GPC6: variants seen among roughly 807,000 people sequenced by gnomAD.
The protein encoded by GPC6 is glypican-6.
Under a neutral mutation model 55.2 loss-of-function variants are expected in GPC6, and 14 were observed. The ratio of observed to expected loss-of-function variants is 0.25; its 90% CI spans 0.17 to 0.40. The LOEUF is 0.40. GPC6 is among the 10% of genes least tolerant of loss of function. The pLI is 1.00. For missense variants in GPC6, 641 were observed against 708.5 expected, an observed-to-expected ratio of 0.90 and a Z score of 1.08; for synonymous variants, 278 against 259.6, an observed-to-expected ratio of 1.07 and a Z score of -0.68.
intron 3 of GPC6, among the ~76,000 whole-genome samples, chr13:93,953,088 C>T (rs1310364201): frequency 1.3e-5 from 2 of 151,842 alleles, no homozygotes; most frequent in South Asian, 2.1e-4. Flanking sequence ...CATTTTGCTA[C>T]AGTTTCCATT....
chr13:93,929,504 T>C (rs1770537836), intron 3 of GPC6, among the ~76,000 whole-genome samples: 1 of 152,196 alleles, frequency 6.6e-6, no homozygotes, highest in African/African-American at 2.4e-5. Context: ...ATCCTGACAA[T>C]ATACCAATTA....
At chr13:93,767,134 G>A (rs941906878) in intron 2 of GPC6, among the ~76,000 whole-genome samples, 2 of 152,076 alleles carry the variant, frequency 1.3e-5, no homozygotes, top group African/African-American at 4.8e-5. Context: ...AAGCATTATA[G>A]GACTGGGAAG....
At chr13:93,656,973 CA>C (rs1880700337) in intron 2 of GPC6, among the ~76,000 whole-genome samples, 1 of 151,952 alleles carries the variant, frequency 6.6e-6, no homozygotes, top group Non-Finnish European at 1.5e-5. Flanking sequence ...AATGGTAAAA[CA>C]TTCCATGCAC....
At chr13:94,067,584 TAGA>T (rs1202467416) in intron 4 of GPC6, among the ~76,000 whole-genome samples, 1 of 116,398 alleles carries the variant, frequency 8.6e-6, no homozygotes, top group Non-Finnish European at 1.7e-5. Flanking sequence ...AGATTATAGA[TAGA>T]TAGATAGATA....
At chr13:93,497,100 G>A (rs962893521) in intron 1 of GPC6, among the ~76,000 whole-genome samples, 1 of 152,104 alleles carries the variant, frequency 6.6e-6, no homozygotes, top group Non-Finnish European at 1.5e-5. Context: ...ACTCTCTATG[G>A]TTGATTCTGT....
intron 2 of GPC6, among the ~76,000 whole-genome samples, chr13:93,738,697 G>A (rs1319984580): frequency 2.6e-5 from 4 of 152,056 alleles, no homozygotes; most frequent in Middle Eastern, 3.4e-3. Flanking sequence ...AGCACCCCTC[G>A]TAGGAAGCCA....
chr13:93,424,978 C>G (rs1006619162), intron 1 of GPC6, among the ~76,000 whole-genome samples: 1 of 152,122 alleles, frequency 6.6e-6, no homozygotes, highest in South Asian at 2.1e-4. Context: ...CCCCAACACA[C>G]AGACCACCTG....
At chr13:93,675,465 A>G (rs1201272242) in intron 2 of GPC6, among the ~76,000 whole-genome samples, 1 of 152,146 alleles carries the variant, frequency 6.6e-6, no homozygotes, top group Non-Finnish European at 1.5e-5. Context: ...TATTCACAAT[A>G]TGCTGTGATC....
chr13:93,794,105 G>A (rs1019229030), intron 2 of GPC6, among the ~76,000 whole-genome samples: 5 of 152,136 alleles, frequency 3.3e-5, no homozygotes, highest in Middle Eastern at 3.2e-3. Flanking sequence ...AAAGCTCTTG[G>A]CATTTGTTCT....
chr13:93,577,049 G>A (rs1454520285), intron 2 of GPC6, among the ~76,000 whole-genome samples: 1 of 152,112 alleles, frequency 6.6e-6, no homozygotes, highest in African/African-American at 2.4e-5. Flanking sequence ...ATGATGCCAT[G>A]ATTTCTAGAC....
intron 1 of GPC6, among the ~76,000 whole-genome samples, chr13:93,393,151 G>A (rs1247053038): frequency 6.7e-6 from 1 of 149,758 alleles, no homozygotes; most frequent in Non-Finnish European, 1.5e-5. Context: ...GAGAGAGAGA[G>A]AGAGAGAGTG....
chr13:94,086,204 A>G (rs750928035), intron 4 of GPC6, among the ~76,000 whole-genome samples: 3 of 152,234 alleles, frequency 2.0e-5, no homozygotes, highest in Non-Finnish European at 2.9e-5. Context: ...AGGATTACAT[A>G]AAGATTCTCA....
intron 3 of GPC6, among the ~76,000 whole-genome samples, chr13:93,861,542 A>G (rs1888814607): frequency 6.6e-6 from 1 of 151,642 alleles, no homozygotes; most frequent in Non-Finnish European, 1.5e-5. Context: ...TCAGAACCTA[A>G]TTCTCTCCCA....
chr13:94,176,294 C>T (rs959026571), intron 4 of GPC6, among the ~76,000 whole-genome samples: 3 of 152,016 alleles, frequency 2.0e-5, no homozygotes, highest in African/African-American at 4.8e-5. Context: ...TCAGTACATT[C>T]GAAGACGTGG....
chr13:93,531,120 A>G (rs1033825610), intron 1 of GPC6, among the ~76,000 whole-genome samples: 3 of 152,134 alleles, frequency 2.0e-5, no homozygotes, highest in African/African-American at 7.2e-5. Flanking sequence ...GTGCCATTGT[A>G]GACCTACTGG....
At chr13:93,586,422 A>G (rs111852987) in intron 2 of GPC6, among the ~76,000 whole-genome samples, 4,305 of 152,224 alleles carry the variant, frequency 0.028, 97 homozygotes, top group Non-Finnish European at 0.044. Context: ...ATGAACATAC[A>G]CATGTGGAAC....
At chr13:93,841,654 A>G (rs1181055993) in intron 3 of GPC6, among the ~76,000 whole-genome samples, 3 of 152,218 alleles carry the variant, frequency 2.0e-5, no homozygotes, top group Non-Finnish European at 4.4e-5. Context: ...AGCCGAAATC[A>G]GTAGATACTG....
chr13:93,325,018 T>C (rs1184907664), intron 1 of GPC6, among the ~76,000 whole-genome samples: 2 of 152,202 alleles, frequency 1.3e-5, no homozygotes, highest in Non-Finnish European at 2.9e-5. Flanking sequence ...AAGGAATTCA[T>C]GCACAGCAAT....
chr13:93,608,173 G>A (rs976472768), intron 2 of GPC6, among the ~76,000 whole-genome samples: 2 of 151,892 alleles, frequency 1.3e-5, no homozygotes, highest in African/African-American at 4.8e-5. Context: ...CCACTAAAGG[G>A]TCTAGTGTAT....
Sources: allele counts gnomAD v4.1 joint callset (sites outside exome capture counted in the v4.1 genomes callset), GRCh38; gene constraint gnomAD v4.1.1; transcripts MANE v1.5; gene names NCBI Gene and HGNC (gene_info 2026-07-23, HGNC 2026-07-21).